The following ARRB1 variants were observed in gnomAD, a reference collection of about 807,000 sequenced individuals.
ARRB1 encodes arrestin beta 1.
A neutral mutation model predicts 56.8 loss-of-function variants in ARRB1; 21 were observed. The observed-to-expected ratio is 0.37, with a 90% confidence interval of 0.26 to 0.53. The LOEUF (loss-of-function observed/expected upper bound fraction) is 0.53. Ranked by LOEUF, ARRB1 falls within the 20% of genes least tolerant of loss-of-function variation. ARRB1 has a pLI of 0.88. For synonymous variants in ARRB1, 210 were observed against 218.6 expected, an observed-to-expected ratio of 0.96 and a Z score of 0.35; for missense variants, 424 against 553.7, an observed-to-expected ratio of 0.77 and a Z score of 2.35.
intron 15 of ARRB1, among the ~76,000 whole-genome samples, chr11:75,267,140 A>G (rs553401587): frequency 6.6e-6 from 1 of 152,322 alleles, no homozygotes; most frequent in African/African-American, 2.4e-5. Flanking sequence ...CAAGAAAGCC[A>G]CTTGGACCTG....
At position 75,322,667 on chromosome 11, in the gene ARRB1, G is replaced by A. The variant is rs114685187; in HGVS notation, c.20+28921C>T. ...AGTGTGGATATTACTCTGTCACCGT[G>A]ATAAGATGTTGGTGGGGTTTCAGCA... On this transcript the variant is annotated intron_variant, in intron 1 of 15. Coordinates refer to ENST00000420843, the MANE Select transcript of ARRB1 (RefSeq NM_004041.5). Among the ~76,000 whole-genome samples, 394 of 152,316 alleles carry A rather than the reference G, an allele frequency of 2.6e-3. 2 individuals are homozygous for A. The highest frequency in any genetic ancestry group is 9.1e-3 in the African/African-American group (377 of 41,568).
At chr11:75,298,648 G>A (rs1402559143) in intron 1 of ARRB1, among the ~76,000 whole-genome samples, 1 of 152,084 alleles carries the variant, frequency 6.6e-6, no homozygotes, top group East Asian at 1.9e-4. Flanking sequence ...AAGTTAAACC[G>A]AGAGTTAACA....
At chr11:75,350,165 C>T (rs1410246462) in intron 1 of ARRB1, among the ~76,000 whole-genome samples, 1 of 152,246 alleles carries the variant, frequency 6.6e-6, no homozygotes, top group Non-Finnish European at 1.5e-5. Flanking sequence ...CCCTTTCTCA[C>T]ACTGTGGAGA....
intron 1 of ARRB1, among the ~76,000 whole-genome samples, chr11:75,300,967 CAA>C (rs149559322): frequency 3.4e-4 from 26 of 76,686 alleles, no homozygotes; most frequent in African/African-American, 2.2e-4. Context: ...GACTCCGTCT[CAA>C]AAAAAAAAAA....
intron 1 of ARRB1, among the ~76,000 whole-genome samples, chr11:75,322,727 T>C (rs958230500): frequency 6.6e-6 from 1 of 152,160 alleles, no homozygotes; most frequent in African/African-American, 2.4e-5. Context: ...CTTTAGTACG[T>C]TCACTTTGGC....
rs1946828698 is a variant in ARRB1, at chr11:75,298,930, T to TC, written c.21-8892_21-8891insG. Among the ~76,000 whole-genome samples, 4 of 151,766 alleles carry TC rather than the reference T, an allele frequency of 2.6e-5. No individual in the cohort carries two copies. In the South Asian group the frequency reaches 8.3e-4, roughly 31 times the overall value. On this transcript the variant is annotated intron_variant, in intron 1 of 15. Coordinates refer to ENST00000420843, the MANE Select transcript of ARRB1 (RefSeq NM_004041.5). The stretch of plus-strand genomic sequence containing the variant: ...TATGTTAAGTAAATTAACATAATGT[T>TC]AATTATGTTAATTTAACATAATTAA...
chr11:75,273,240 C>T (rs912968570), intron 11 of ARRB1, among the ~76,000 whole-genome samples: 2 of 152,186 alleles, frequency 1.3e-5, no homozygotes, highest in African/African-American at 4.8e-5. Context: ...CCCAGGCCAG[C>T]GTCCCCGCCA....
At position 75,263,882 on chromosome 11, in the gene ARRB1, A is replaced by T. The variant is rs995940231; in HGVS notation, c.*2281T>A. Among the ~76,000 whole-genome samples, 1 of 152,244 alleles carries T rather than the reference A, an allele frequency of 6.6e-6. No homozygotes were observed. Among genetic ancestry groups the T allele is most frequent in the South Asian group, 2.1e-4 (1 of 4,836 alleles). ...GAAACCAGCCTGACAAACGTTTTCC[A>T]TGCATGAGTTAGGGATAGGGGAAGA... On this transcript the variant is annotated 3_prime_UTR_variant, in exon 16 of 16. Coordinates refer to ENST00000420843, the MANE Select transcript of ARRB1 (RefSeq NM_004041.5).
rs563249459 is a variant in ARRB1, at chr11:75,280,356, C to T, written c.482+719G>A. Among the ~76,000 whole-genome samples, 32 of 152,370 alleles carry T rather than the reference C, an allele frequency of 2.1e-4. No homozygotes were observed. In the East Asian group the frequency reaches 2.9e-3, roughly 14 times the overall value. ...GCCACCAGGTGGCAAACTCAGCCCA[C>T]GCCCTAAAAAGGCTGCTGTGCCCTC... On this transcript the variant is annotated intron_variant, in intron 7 of 15. Transcript: ENST00000420843.
intron 6 of ARRB1, 84 bp from the exon 7 acceptor site, chr11:75,281,226 C>T (rs758995183): frequency 6.1e-5 from 80 of 1,300,968 alleles, no homozygotes; most frequent in Non-Finnish European, 7.9e-5. Flanking sequence ...ATTTTACAAA[C>T]GAGGACACTG....
intron 1 of ARRB1, among the ~76,000 whole-genome samples, chr11:75,335,827 TC>T (rs376959236): frequency 3.9e-5 from 6 of 152,108 alleles, no homozygotes; most frequent in African/African-American, 1.4e-4. Flanking sequence ...TGTTCCCACA[TC>T]CCACATCCAC....
chr11:75,281,654 TCCAGGTTGCCAG>T (rs1311008638), intron 6 of ARRB1: 2 of 395,646 alleles, frequency 5.1e-6, no homozygotes, highest in African/African-American at 4.1e-5. Flanking sequence ...GCACTTTGAT[TCCAGGTTGCCAG>T]GGGTTACATG....
intron 1 of ARRB1, among the ~76,000 whole-genome samples, chr11:75,329,152 A>C (rs576463692): frequency 6.7e-6 from 1 of 148,948 alleles, no homozygotes; most frequent in East Asian, 2.0e-4. Context: ...GACATGCAGT[A>C]ACAATTACGG....
At chr11:75,268,818 G>T in intron 14 of ARRB1, 71 bp downstream of exon 14, 1 of 1,527,556 alleles carries the variant, frequency 6.5e-7, no homozygotes, top group South Asian at 1.2e-5. Context: ...AACCCGGGGC[G>T]GGGTGGGTTA....
Position 75,268,898 on chromosome 11 carries a change from G to A in ARRB1, c.1084C>T (p.His362Tyr). The change falls in exon 14 of 16, where the codon CAT becomes TAT. Residue 362 changes from histidine (H) to tyrosine (Y), a missense_variant. Around this residue, in one of 3 missense-constraint regions of ARRB1, gnomAD observed 121 missense variants for 147.3 expected, o/e 0.82. Transcript: ENST00000420843. ...MHPKPKEEPP[H>Y]REVPENETPV... ...TACAGATTCTGCTCACCTTCCCGAT[G>A]CGGGGGTTCCTCTTTGGGCTTGGGG... 1 of 1,609,122 alleles carries A rather than the reference G, an allele frequency of 6.2e-7. No individual in the cohort carries two copies. The highest frequency in any genetic ancestry group is 8.5e-7 in the Non-Finnish European group (1 of 1,178,746).
At chr11:75,321,328 G>A (rs1399021740) in intron 1 of ARRB1, among the ~76,000 whole-genome samples, 9 of 147,192 alleles carry the variant, frequency 6.1e-5, no homozygotes, top group Non-Finnish European at 1.3e-4. Flanking sequence ...AGTGAGCCTG[G>A]GAGGCAGAAG....
chr11:75,291,126 C>T (rs1021820183), intron 1 of ARRB1, among the ~76,000 whole-genome samples: 3 of 152,088 alleles, frequency 2.0e-5, no homozygotes, highest in Non-Finnish European at 2.9e-5. Context: ...CCGAGGAGGT[C>T]AGGAGTTCAA....
At chr11:75,305,026 T>A (rs1249684125) in intron 1 of ARRB1, among the ~76,000 whole-genome samples, 1 of 138,626 alleles carries the variant, frequency 7.2e-6, no homozygotes, top group African/African-American at 2.6e-5. Flanking sequence ...TTCTTTTTTT[T>A]TTTTTTTTTT....
rs973962200 is a variant in ARRB1, at chr11:75,264,371, G to T, written c.*1792C>A. Reference sequence around the variant, plus strand: ...TGGAAGGGAGCAGAAACTGAGGAGAGAGCCCTTGTCCTGCTAATCAATATA... The same window carrying T: ...TGGAAGGGAGCAGAAACTGAGGAGATAGCCCTTGTCCTGCTAATCAATATA... On this transcript the variant is annotated 3_prime_UTR_variant, in exon 16 of 16. Transcript: ENST00000420843. The T allele has an allele frequency of 1.3e-5, 2 of 152,270 alleles. No individual in the cohort carries two copies. Among genetic ancestry groups the T allele is most frequent in the Non-Finnish European group, 2.9e-5 (2 of 68,086 alleles). The allele number at this position is 152,270 out of a possible 1,614,324, so 9.4% of individuals were successfully genotyped here.
Sources: gnomAD v4.1 joint callset for allele counts (sites outside exome capture counted in the v4.1 genomes callset) on GRCh38, gnomAD v4.1.1 for gene constraint, gnomAD v4.1.1 regional missense constraint, MANE v1.5 for transcripts, NCBI Gene and HGNC (gene_info 2026-07-23, HGNC 2026-07-21) for gene names.